Variants in SERF2 observed in about 807,000 individuals in gnomAD.
The protein encoded by SERF2 is gastric cancer-related protein VRG107.
In SERF2, 4 loss-of-function variants were observed where a neutral mutation model predicts 10.7. That is an observed-to-expected ratio of 0.37 (90% CI 0.18 to 0.86). The LOEUF is 0.86. Ranked by LOEUF, SERF2 falls within the 40% of genes least tolerant of loss-of-function variation. SERF2 has a pLI of 0.43. For missense variants in SERF2, 47 were observed against 79.1 expected (o/e 0.59, Z 1.54); for synonymous variants, 26 against 26.0 (o/e 1.00, Z 0.01).
chr15:43,779,149 G>A (rs563853182), intron 1 of SERF2, among the ~76,000 whole-genome samples: 48 of 152,180 alleles, frequency 3.2e-4, no homozygotes, highest in African/African-American at 1.0e-3. Flanking sequence ...TGGGCAGTTC[G>A]TTTATGGTAA....
At position 43,794,891 on chromosome 15, in the gene SERF2, C is replaced by T. The variant is rs938601226; in HGVS notation, c.*1118C>T. On this transcript the variant is annotated 3_prime_UTR_variant, in exon 3 of 3. Transcript: ENST00000249786. ...TTCATAGTATTGACTTCAGCCCAAA[C>T]GGAGATAACTCCCTGTGTGTCCTTG... The T allele has an allele frequency of 3.5e-5, 29 of 829,690 alleles. No homozygotes were observed. Among genetic ancestry groups the T allele is most frequent in the East Asian group, 2.2e-4 (9 of 41,132 alleles). The allele number at this position is 829,690 out of a possible 1,614,324, so 51.4% of individuals were successfully genotyped here.
rs1274561410 is a variant in SERF2, at chr15:43,793,937, G to A, written c.*164G>A. On this transcript the variant is annotated 3_prime_UTR_variant, in exon 3 of 3. Coordinates refer to ENST00000249786, the MANE Select transcript of SERF2 (RefSeq NM_001018108.4). ...CCCTTTTGTGCTTCCTTCCCCTCAG[G>A]TAGCCTCTCTCCCCCTGGGCCACTC... 3 of 1,556,310 alleles carry A rather than the reference G, an allele frequency of 1.9e-6. No homozygotes were observed. The highest frequency in any genetic ancestry group is 2.6e-6 in the Non-Finnish European group (3 of 1,150,188).
intron 2 of SERF2, among the ~76,000 whole-genome samples, chr15:43,786,870 C>T (rs1295155641): frequency 1.3e-5 from 2 of 152,168 alleles, no homozygotes; most frequent in African/African-American, 2.4e-5. Flanking sequence ...ATTGTCACCA[C>T]CCTAGCAATG....
intron 1 of SERF2, among the ~76,000 whole-genome samples, chr15:43,780,485 C>T (rs1295899309): frequency 6.6e-6 from 1 of 152,112 alleles, no homozygotes; most frequent in African/African-American, 2.4e-5. Flanking sequence ...TGTTAAGTAT[C>T]GCCTATCCTA....
chr15:43,792,015 T>G (rs1195655333), upstream of SERF2: 3 of 416,656 alleles, frequency 7.2e-6, no homozygotes, highest in South Asian at 5.3e-5. Context: ...CCGCATGAGG[T>G]CACTCTGCAC....
upstream of SERF2, among the ~76,000 whole-genome samples, chr15:43,788,249 G>T (rs377399325): frequency 1.3e-5 from 2 of 151,946 alleles, no homozygotes; most frequent in Admixed American, 6.6e-5. Context: ...GGCCTCAAGG[G>T]ATCCTCCCTG....
chr15:43,784,775 C>T (rs1023874086), intron 1 of SERF2, among the ~76,000 whole-genome samples: 19 of 145,356 alleles, frequency 1.3e-4, no homozygotes, highest in Middle Eastern at 3.5e-3. Flanking sequence ...TTTTTTGAGA[C>T]GGTGTCTCAC....
chr15:43,794,290 G>C lies in SERF2; in HGVS notation c.*517G>C, dbSNP rs1285914747. 1.1e-5 allele frequency: 3 copies of C among 284,722 alleles called. No individual in the cohort carries two copies. Among genetic ancestry groups the C allele is most frequent in the Non-Finnish European group, 2.0e-5 (3 of 151,482 alleles). 17.6% of individuals were successfully genotyped at this position (284,722 alleles called of 1,614,324 possible). The stretch of plus-strand genomic sequence containing the variant: ...TCTGTGATTTTTGTTCCCCACCCTT[G>C]AACACCATCTCTAGGATGGAGTTGG... On this transcript the variant is annotated 3_prime_UTR_variant, in exon 3 of 3. Coordinates refer to ENST00000249786, the MANE Select transcript of SERF2 (RefSeq NM_001018108.4).
intron 1 of SERF2, among the ~76,000 whole-genome samples, chr15:43,780,719 C>T (rs1002331535): frequency 1.3e-5 from 2 of 152,122 alleles, no homozygotes; most frequent in African/African-American, 2.4e-5. Flanking sequence ...GCAGATAATA[C>T]TGAACCTGAA....
At position 43,795,192 on chromosome 15, in the gene SERF2, T is replaced by C. The variant is rs547879160; in HGVS notation, c.*1419T>C. 1.1e-5 allele frequency: 18 copies of C among 1,614,108 alleles called. No individual in the cohort carries two copies. In the East Asian group the frequency reaches 3.8e-4, roughly 34 times the overall value. On this transcript the variant is annotated 3_prime_UTR_variant, in exon 3 of 3. Transcript: ENST00000249786. ...CCCAGCTACCCTTGATGAAGGTCTT[T>C]TCCAGTTCTGCTCCCTCATAGCTGT...
chr15:43,784,569 C>T (rs911518089), intron 1 of SERF2, among the ~76,000 whole-genome samples: 3 of 151,278 alleles, frequency 2.0e-5, no homozygotes, highest in African/African-American at 4.9e-5. Flanking sequence ...TCCGGGTTCA[C>T]GCCATTCTCC....
At chr15:43,792,866 G>A in intron 1 of SERF2, 109 bp from the exon 2 acceptor site, 1 of 813,494 alleles carries the variant, frequency 1.2e-6, no homozygotes, top group Non-Finnish European at 2.0e-6. Flanking sequence ...GTCGGGGCCC[G>A]GAGATTGAAG....
At chr15:43,788,200 G>A (rs2087023603), upstream of SERF2, among the ~76,000 whole-genome samples, 1 of 150,566 alleles carries the variant, frequency 6.6e-6, no homozygotes, top group South Asian at 2.1e-4. Context: ...TTGTAGAGAC[G>A]GGGTCTCACT....
chr15:43,795,912 T>G lies in SERF2; in HGVS notation c.*2139T>G, dbSNP rs1480878874. 3.0e-6 allele frequency: 2 copies of G among 675,378 alleles called. No homozygotes were observed. Among genetic ancestry groups the G allele is most frequent in the Non-Finnish European group, 5.0e-6 (2 of 400,058 alleles). The allele number at this position is 675,378 out of a possible 1,614,324, so 41.8% of individuals were successfully genotyped here. A position where few individuals can be genotyped will look rare whatever the true frequency, so the allele number is the denominator to read the frequency against. On this transcript the variant is annotated 3_prime_UTR_variant, in exon 3 of 3. Coordinates refer to ENST00000249786, the MANE Select transcript of SERF2 (RefSeq NM_001018108.4). ...AGACTTTGGTAAGATGTTTAATCTT[T>G]TGTGCCTCGATTTCTCCATTTGTAA... is the stretch of plus-strand genomic sequence containing the variant.
At chr15:43,785,823 A>G (rs2141671383) in intron 2 of SERF2, among the ~76,000 whole-genome samples, 1 of 148,630 alleles carries the variant, frequency 6.7e-6, no homozygotes, top group South Asian at 2.1e-4. Context: ...CTTGCGCCTC[A>G]GCCTCCCAAG....
chr15:43,792,255 C>A, upstream of SERF2: 4 of 875,370 alleles, frequency 4.6e-6, no homozygotes, highest in South Asian at 4.0e-5. Context: ...AGCCGGCTCC[C>A]GGGCGCGAAG....
In SERF2 at chr15:43,792,464, T is replaced by C. The variant is rs373968727; in HGVS notation, c.7+81T>C. The C allele has an allele frequency of 2.0e-5, 33 of 1,610,350 alleles. No individual in the cohort carries two copies. The East Asian group carries it at 3.1e-4, about 15-fold the overall frequency. The stretch of plus-strand genomic sequence containing the variant: ...ACCGGCGAGGCGCCGGCTTTGACCT[T>C]CCGTAGCTTCCCTAGCAAGGCGTTT... On this transcript the variant is annotated intron_variant, in intron 1 of 2. Coordinates refer to ENST00000249786, the MANE Select transcript of SERF2 (RefSeq NM_001018108.4).
At chr15:43,778,889 G>A (rs868686192) in intron 1 of SERF2, among the ~76,000 whole-genome samples, 37 of 152,296 alleles carry the variant, frequency 2.4e-4, no homozygotes, top group African/African-American at 8.4e-4. Flanking sequence ...GCTGGAGTGA[G>A]ACTCCATCTC....
upstream of SERF2, among the ~76,000 whole-genome samples, chr15:43,791,650 TA>T (rs1209645080): frequency 6.6e-6 from 1 of 152,242 alleles, no homozygotes. Flanking sequence ...TCCAACTCCA[TA>T]GTCTGTGACT....
Sources: allele counts gnomAD v4.1 joint callset (sites outside exome capture counted in the v4.1 genomes callset), GRCh38; gene constraint gnomAD v4.1.1; transcripts MANE v1.5; gene names NCBI Gene and HGNC (gene_info 2026-07-23, HGNC 2026-07-21).